Variants in CFHR1 observed in about 807,000 individuals in gnomAD.
The protein encoded by CFHR1 is complement factor H related 1, also known as complement factor H-related protein 1.
Under a neutral mutation model 30.4 loss-of-function variants are expected in CFHR1, and 22 were observed. The observed-to-expected ratio is 0.72, with a 90% CI of 0.52 to 1.03. The LOEUF (loss-of-function observed/expected upper bound fraction) is 1.03. Among genes scored for constraint, CFHR1 ranks in the 50% least tolerant of loss-of-function variants. The probability of loss-of-function intolerance (pLI) is 0.00; values close to 1 mark genes in which losing one functional copy is unlikely to be tolerated. For missense variants in CFHR1, 248 were observed against 380.6 expected (o/e 0.65, Z 2.90); for synonymous variants, 95 against 129.1 (o/e 0.74, Z 1.79).
chr1:196,828,059 T>C lies in CFHR1; in HGVS notation c.431-11T>C, dbSNP rs369988230. The stretch of plus-strand genomic sequence containing the variant: ...ACACTAGGTGGAACCACTTCTTTTT[T>C]TTCTACTCAGACACTTCCTGTGTGA... On this transcript the variant is annotated splice_polypyrimidine_tract_variant and intron_variant, in intron 3 of 5. Transcript: ENST00000320493. 150 of 1,497,812 alleles carry C rather than the reference T, an allele frequency of 1.0e-4. 20 individuals carry two copies. Among genetic ancestry groups the C allele is most frequent in the Non-Finnish European group, 1.3e-4 (141 of 1,114,744 alleles). The allele number at this position is 1,497,812 out of a possible 1,614,324, so 92.8% of individuals were successfully genotyped here.
rs1655585298 is a variant in CFHR1, at chr1:196,832,017, A to C, written c.*18A>C. The C allele has an allele frequency of 6.6e-7, 1 of 1,511,262 alleles. No individual in the cohort carries two copies. Among genetic ancestry groups the C allele is most frequent in the South Asian group, 1.3e-5 (1 of 79,672 alleles). 93.6% of individuals were successfully genotyped at this position (1,511,262 alleles called of 1,614,324 possible). A position where few individuals can be genotyped will look rare whatever the true frequency, so the allele number is the denominator to read the frequency against. ...AAAGATAGAATCAATCATAAAATGC[A>C]CACCTTTATTCAGAACTTTAGTATT... On this transcript the variant is annotated 3_prime_UTR_variant, in exon 6 of 6. Transcript: ENST00000320493.
At chr1:196,825,749 T>C in intron 2 of CFHR1, 78 bp downstream of exon 2, 2 of 1,354,242 alleles carry the variant, frequency 1.5e-6, no homozygotes, top group Non-Finnish European at 2.0e-6. Flanking sequence ...TCATAAGGTC[T>C]TGATAATCAC....
In CFHR1 at chr1:196,825,523, T is replaced by C. The variant is rs76655840; in HGVS notation, c.105T>C (p.Asp35=). 2.0e-3 allele frequency: 3,021 copies of C among 1,519,846 alleles called. 845 individuals carry two copies. The African/African-American group carries it at 0.043, about 22-fold the overall frequency. 94.1% of individuals were successfully genotyped at this position (1,519,846 alleles called of 1,614,324 possible). ...FPKINHGILY[D]EEKYKPFSQV... ...AAATAAACCATGGAATTCTATATGA[T>C]GAAGAAAAATATAAGCCATTTTCCC... Residue 35 remains aspartate, a synonymous_variant, in exon 2 of 6, where the codon GAT becomes GAC. Transcript: ENST00000320493.
At chr1:196,828,358 A>C in intron 4 of CFHR1, 112 bp downstream of exon 4, 1 of 838,208 alleles carries the variant, frequency 1.2e-6, no homozygotes, top group Non-Finnish European at 1.8e-6. Flanking sequence ...ATGCAAATAA[A>C]ATGATTGATG....
rs776254611 is a variant in CFHR1, at chr1:196,825,459, T to A, written c.59-18T>A. 7.2e-7 allele frequency: 1 copy of A among 1,398,300 alleles called. No homozygotes were observed. The highest frequency in any genetic ancestry group is 1.3e-5 in the South Asian group (1 of 75,014). 86.6% of individuals were successfully genotyped at this position (1,398,300 alleles called of 1,614,324 possible). ...GTAACTTATTATGTAATTCTTCAGT[T>A]TTATGTTATTTTCCCAGCAACATTT... On this transcript the variant is annotated intron_variant, in intron 1 of 5. Transcript: ENST00000320493.
intron 4 of CFHR1, among the ~76,000 whole-genome samples, chr1:196,829,077 A>T (rs1655449584): frequency 7.4e-6 from 1 of 134,234 alleles, no homozygotes; most frequent in Non-Finnish European, 1.6e-5. Flanking sequence ...ATTAATTTTG[A>T]TTCATATGTA....
intron 1 of CFHR1, chr1:196,821,111 T>G (rs1655105081): frequency 7.1e-6 from 1 of 141,362 alleles, no homozygotes; most frequent in Admixed American, 6.9e-5. Flanking sequence ...AGTGTTGGGA[T>G]TGCAGGCATA....
In CFHR1 at chr1:196,825,318, T is replaced by C. The variant is rs1339343436; in HGVS notation, c.59-159T>C. On this transcript the variant is annotated intron_variant, in intron 1 of 5. Coordinates refer to ENST00000320493, the MANE Select transcript of CFHR1 (RefSeq NM_002113.3). ...ATAGTCATGTACTCCTAGTTAGTGA[T>C]GCTTTTCATTCCTAATTTGTACACT... 9.8e-5 allele frequency: 48 copies of C among 487,910 alleles called. 8 individuals carry two copies. The highest frequency in any genetic ancestry group is 7.7e-4 in the South Asian group (30 of 39,116). The allele number at this position is 487,910 out of a possible 1,614,324, so 30.2% of individuals were successfully genotyped here.
chr1:196,827,536 G>C (rs1476870081), intron 3 of CFHR1, among the ~76,000 whole-genome samples: 1 of 134,834 alleles, frequency 7.4e-6, no homozygotes, highest in Non-Finnish European at 1.6e-5. Flanking sequence ...TAGATCCTTT[G>C]ATTAACCATT....
rs371802398 is a variant in CFHR1, at chr1:196,824,737, T to G, written c.59-740T>G. ...GTTGAATCAGACGAAGTGAAACGAG[T>G]GGGGCTGACTGTATATATATATATA... is the stretch of plus-strand genomic sequence containing the variant. On this transcript the variant is annotated intron_variant, in intron 1 of 5. Coordinates refer to ENST00000320493, the MANE Select transcript of CFHR1 (RefSeq NM_002113.3). 7.1e-5 allele frequency among the ~76,000 whole-genome samples: 7 copies of G among 98,218 alleles called. No individual in the cohort carries two copies. The East Asian group carries it at 1.2e-3, about 16-fold the overall frequency. 64.4% of individuals were successfully genotyped at this position (98,218 alleles called of 152,430 possible).
intron 2 of CFHR1, among the ~76,000 whole-genome samples, chr1:196,826,428 GA>G (rs1655324535): frequency 7.6e-6 from 1 of 132,362 alleles, no homozygotes; most frequent in Non-Finnish European, 1.6e-5. Context: ...AACTTCTTTT[GA>G]AAGTGTTTAT....
Position 196,830,702 on chromosome 1 carries a change from C to T in CFHR1, c.790+20C>T, listed in dbSNP as rs777915227. 2.0e-6 allele frequency: 3 copies of T among 1,520,534 alleles called. No homozygotes were observed. The highest frequency in any genetic ancestry group is 3.4e-5 in the Admixed American group (2 of 57,982). The allele number at this position is 1,520,534 out of a possible 1,614,324, so 94.2% of individuals were successfully genotyped here. A position where few individuals can be genotyped will look rare whatever the true frequency, so the allele number is the denominator to read the frequency against. ...GCTTACGTAAGTACTTTAATATTCA[C>T]GTGGCTGGAAAAATCAGTGTGATGA... On this transcript the variant is annotated intron_variant, in intron 5 of 5. Coordinates refer to ENST00000320493, the MANE Select transcript of CFHR1 (RefSeq NM_002113.3).
chr1:196,830,532 A>G lies in CFHR1; in HGVS notation c.640A>G (p.Ile214Val), dbSNP rs747043876. 7 of 1,525,420 alleles carry G rather than the reference A, an allele frequency of 4.6e-6. 2 individuals are homozygous for G. In the South Asian group the frequency reaches 6.2e-5, roughly 14 times the overall value. 94.5% of individuals were successfully genotyped at this position (1,525,420 alleles called of 1,614,324 possible). The change falls in exon 5 of 6, where the codon ATT becomes GTT. Residue 214 changes from isoleucine to valine, a missense_variant. Physicochemically the swap from Ile to Val is conservative, Grantham distance 29. Coordinates refer to ENST00000320493, the MANE Select transcript of CFHR1 (RefSeq NM_002113.3). ...GGGAAAATGTGGGCCCCCTCCACCT[A>G]TTGACAATGGGGACATTACTTCATT... ...STGKCGPPPP[I>V]DNGDITSFPL...
At chr1:196,829,162 A>G (rs1655451897) in intron 4 of CFHR1, among the ~76,000 whole-genome samples, 1 of 134,298 alleles carries the variant, frequency 7.4e-6, no homozygotes. Context: ...AATACTATAT[A>G]TATGTAATAA....
Position 196,828,983 on chromosome 1 carries a change from A to G in CFHR1, c.607+737A>G, listed in dbSNP as rs868568237. ...GATATATAGGACTTAAACCTCTGTC[A>G]TTTATTTGTTTCTGTCTGTTCCCTC... On this transcript the variant is annotated intron_variant, in intron 4 of 5. Coordinates refer to ENST00000320493, the MANE Select transcript of CFHR1 (RefSeq NM_002113.3). Among the ~76,000 whole-genome samples the G allele has an allele frequency of 7.3e-4, 97 of 133,582 alleles. 23 individuals carry two copies. The highest frequency in any genetic ancestry group is 2.7e-3 in the African/African-American group (85 of 31,062). 87.6% of individuals were successfully genotyped at this position (133,582 alleles called of 152,430 possible). A position where few individuals can be genotyped will look rare whatever the true frequency, so the allele number is the denominator to read the frequency against.
At chr1:196,827,076 A>G in intron 3 of CFHR1, 71 bp downstream of exon 3, 1 of 1,389,998 alleles carries the variant, frequency 7.2e-7, no homozygotes, top group South Asian at 1.3e-5. Context: ...TCTTTTTTAC[A>G]GGTTAAATAT....
At chr1:196,827,877 A>C (rs465519) in intron 3 of CFHR1, among the ~76,000 whole-genome samples, 193 bp from the exon 4 acceptor site, 3 of 132,012 alleles carry the variant, frequency 2.3e-5, no homozygotes, top group East Asian at 2.0e-4. Context: ...AAAACATCAA[A>C]GCTTGTACCT....
At chr1:196,831,266 C>T (rs1655548571) in intron 5 of CFHR1, among the ~76,000 whole-genome samples, 1 of 134,574 alleles carries the variant, frequency 7.4e-6, no homozygotes, top group Non-Finnish European at 1.6e-5. Flanking sequence ...CAATGATTAC[C>T]ACAAATTAAT....
chr1:196,826,190 G>C (rs1346471641), intron 2 of CFHR1, among the ~76,000 whole-genome samples: 1 of 134,368 alleles, frequency 7.4e-6, no homozygotes, highest in Non-Finnish European at 1.6e-5. Context: ...TTGGGAGACA[G>C]ATACATGAGG....
Sources: gnomAD v4.1 joint callset for allele counts (sites outside exome capture counted in the v4.1 genomes callset) on GRCh38, gnomAD v4.1.1 for gene constraint, MANE v1.5 for transcripts, NCBI Gene and HGNC (gene_info 2026-07-23, HGNC 2026-07-21) for gene names.